Variants in SNTG1 observed in about 807,000 individuals in gnomAD.
SNTG1 encodes the protein gamma-1-syntrophin.
SNTG1 carries 39 observed loss-of-function variants against 74.7 expected under a neutral mutation model. The observed-to-expected ratio is 0.52, with a 90% CI of 0.40 to 0.68. The LOEUF (loss-of-function observed/expected upper bound fraction) is 0.68. Among genes scored for constraint, SNTG1 ranks in the 30% least tolerant of loss-of-function variants. The pLI is 0.00. For missense variants in SNTG1, 685 were observed against 609.5 expected (o/e 1.12, Z -1.30); for synonymous variants, 254 against 217.1 (o/e 1.17, Z -1.49).
intron 9 of SNTG1, among the ~76,000 whole-genome samples, chr8:50,511,073 A>G (rs2094068422): frequency 6.6e-6 from 1 of 152,170 alleles, no homozygotes; most frequent in South Asian, 2.1e-4. Context: ...ATTTCCCTCT[A>G]CACACAGCTT....
intron 9 of SNTG1, among the ~76,000 whole-genome samples, chr8:50,526,875 T>A (rs1563525583): frequency 2.0e-5 from 3 of 151,864 alleles, no homozygotes; most frequent in African/African-American, 7.3e-5. Flanking sequence ...TCCCGCCTCA[T>A]CCACCAAAAG....
At chr8:50,196,233 T>C (rs2083763526) in intron 2 of SNTG1, among the ~76,000 whole-genome samples, 1 of 152,126 alleles carries the variant, frequency 6.6e-6, no homozygotes, top group African/African-American at 2.4e-5. Context: ...ACTTAAATAA[T>C]TGTCAGAAGG....
At chr8:50,748,449 T>C (rs191967789) in intron 17 of SNTG1, among the ~76,000 whole-genome samples, 218 of 152,170 alleles carry the variant, frequency 1.4e-3, no homozygotes, top group Admixed American at 3.5e-3. Context: ...TATGTTAAAA[T>C]TGGTATTCAG....
intron 13 of SNTG1, among the ~76,000 whole-genome samples, chr8:50,596,560 T>C (rs1411490801): frequency 6.6e-6 from 1 of 152,028 alleles, no homozygotes; most frequent in Non-Finnish European, 1.5e-5. Flanking sequence ...TTCACTGTAT[T>C]ATTATTCCTC....
intron 4 of SNTG1, among the ~76,000 whole-genome samples, chr8:50,429,220 T>C (rs528054111): frequency 6.7e-6 from 1 of 150,362 alleles, no homozygotes; most frequent in East Asian, 1.9e-4. Flanking sequence ...AGTTTGAGGG[T>C]TCATATTTCC....
chr8:49,929,710 T>C (rs1464548851), intron 1 of SNTG1, among the ~76,000 whole-genome samples: 2 of 143,864 alleles, frequency 1.4e-5, no homozygotes, highest in Admixed American at 6.8e-5. Flanking sequence ...TTTTAGCTTA[T>C]TTTTTTTTAA....
chr8:50,761,221 A>G (rs6993206), intron 18 of SNTG1, among the ~76,000 whole-genome samples: 17,831 of 152,014 alleles, frequency 0.12, 3,122 homozygotes, highest in African/African-American at 0.38. Context: ...TTCAACATAC[A>G]CAAATCAATA....
chr8:50,042,714 GC>G (rs1413217764), intron 1 of SNTG1, among the ~76,000 whole-genome samples: 1 of 151,734 alleles, frequency 6.6e-6, no homozygotes, highest in Non-Finnish European at 1.5e-5. Flanking sequence ...ATGCTGACAT[GC>G]CTGGCTAATT....
intron 2 of SNTG1, among the ~76,000 whole-genome samples, chr8:50,358,673 T>C (rs964131196): frequency 2.6e-5 from 4 of 152,218 alleles, no homozygotes; most frequent in Admixed American, 6.5e-5. Context: ...AAATGACTGA[T>C]GAAAGTATTA....
intron 12 of SNTG1, among the ~76,000 whole-genome samples, chr8:50,563,008 T>G (rs1309781188): frequency 6.6e-6 from 1 of 152,126 alleles, no homozygotes; most frequent in Non-Finnish European, 1.5e-5. Flanking sequence ...TAAACATGGC[T>G]AGAAGCTTTC....
At chr8:49,947,889 G>T (rs938099450) in intron 1 of SNTG1, among the ~76,000 whole-genome samples, 1 of 152,122 alleles carries the variant, frequency 6.6e-6, no homozygotes, top group Non-Finnish European at 1.5e-5. Context: ...TCATCACTTT[G>T]GGAGGCCGAG....
At chr8:50,362,516 C>CTT (rs202179754) in intron 2 of SNTG1, among the ~76,000 whole-genome samples, 1 of 148,692 alleles carries the variant, frequency 6.7e-6, no homozygotes. Context: ...TAAAGATAGT[C>CTT]TTTTTTTTTT....
chr8:50,331,067 T>C (rs1277605153), intron 2 of SNTG1, among the ~76,000 whole-genome samples: 1 of 152,234 alleles, frequency 6.6e-6, no homozygotes, highest in Non-Finnish European at 1.5e-5. Flanking sequence ...TTCTATATTT[T>C]TTATTTTCTA....
At chr8:50,381,596 A>G (rs34088893) in intron 2 of SNTG1, among the ~76,000 whole-genome samples, 2,210 of 126,734 alleles carry the variant, frequency 0.017, 75 homozygotes, top group African/African-American at 0.054. Context: ...GTGTGTGTAT[A>G]TATATATATA....
intron 18 of SNTG1, among the ~76,000 whole-genome samples, chr8:50,784,036 T>C (rs778848275): frequency 6.6e-6 from 1 of 152,196 alleles, no homozygotes; most frequent in Non-Finnish European, 1.5e-5. Flanking sequence ...GGGGTAGAAT[T>C]TCAGGTTTAC....
intron 11 of SNTG1, among the ~76,000 whole-genome samples, chr8:50,538,522 G>A (rs2094323741): frequency 6.6e-6 from 1 of 152,148 alleles, no homozygotes; most frequent in East Asian, 1.9e-4. Context: ...AAATATGTTA[G>A]GCATTAATGT....
chr8:50,352,911 A>G (rs2091706672), intron 2 of SNTG1, among the ~76,000 whole-genome samples: 1 of 152,140 alleles, frequency 6.6e-6, no homozygotes, highest in African/African-American at 2.4e-5. Context: ...CTGGGTATAT[A>G]CCCAAAGGAT....
chr8:50,566,339 T>C (rs2094516778), intron 12 of SNTG1, among the ~76,000 whole-genome samples: 1 of 151,938 alleles, frequency 6.6e-6, no homozygotes, highest in Non-Finnish European at 1.5e-5. Context: ...CACTGAATCC[T>C]GAGGCTGGAA....
chr8:50,267,092 T>C (rs2087521634), intron 2 of SNTG1, among the ~76,000 whole-genome samples: 2 of 152,190 alleles, frequency 1.3e-5, no homozygotes, highest in African/African-American at 2.4e-5. Context: ...TTTGTCACCA[T>C]ATCTAAGCAA....
Sources: gnomAD v4.1 joint callset for allele counts (sites outside exome capture counted in the v4.1 genomes callset) on GRCh38, gnomAD v4.1.1 for gene constraint, MANE v1.5 for transcripts, NCBI Gene and HGNC (gene_info 2026-07-23, HGNC 2026-07-21) for gene names.